The following DNAH11 variants were observed in gnomAD, a reference collection of about 807,000 sequenced individuals.
DNAH11 encodes the protein dynein axonemal heavy chain 11.
Under a neutral mutation model 526.0 loss-of-function variants are expected in DNAH11, and 442 were observed. That is an observed-to-expected ratio of 0.84 (90% CI 0.78 to 0.91). The LOEUF is 0.91. Among genes scored for constraint, DNAH11 ranks in the 40% least tolerant of loss-of-function variants. The pLI, the probability that DNAH11 is intolerant of heterozygous loss-of-function variation, is 0.00. For synonymous variants in DNAH11, 2,461 were observed against 1,935.9 expected, an observed-to-expected ratio of 1.27 and a Z score of -7.12; for missense variants, 6,989 against 5,448.7, an observed-to-expected ratio of 1.28 and a Z score of -8.90.
intron 1 of DNAH11, 64 bp from the exon 2 acceptor site, chr7:21,544,942 A>T (rs1782749473): frequency 1.5e-6 from 2 of 1,368,980 alleles, no homozygotes; most frequent in Non-Finnish European, 2.0e-6. Flanking sequence ...TACAAGTTGG[A>T]TATAGTAAAT....
intron 28 of DNAH11, among the ~76,000 whole-genome samples, chr7:21,644,675 C>G (rs1320412059): frequency 1.3e-5 from 2 of 152,130 alleles, no homozygotes; most frequent in Non-Finnish European, 2.9e-5. Context: ...GCTCTATTTA[C>G]CTGCAGCTGA....
chr7:21,831,238 C>G (rs1224082851), intron 65 of DNAH11, among the ~76,000 whole-genome samples: 1 of 152,182 alleles, frequency 6.6e-6, no homozygotes, highest in Non-Finnish European at 1.5e-5. Flanking sequence ...CTTCAGTGTT[C>G]TAGAAGTCAT....
intron 24 of DNAH11, 116 bp from the exon 25 acceptor site, chr7:21,619,840 A>G: frequency 1.0e-6 from 1 of 975,796 alleles, no homozygotes; most frequent in South Asian, 1.6e-5. Flanking sequence ...TCAAGCCAAT[A>G]ATACTTGATA....
At chr7:21,637,759 C>A in intron 27 of DNAH11, 57 bp downstream of exon 27, 2 of 1,081,594 alleles carry the variant, frequency 1.8e-6, no homozygotes, top group South Asian at 1.9e-5. Context: ...AAGTCTTTTT[C>A]ACATACCTAA....
At chr7:21,588,936 T>G (rs145454938) in intron 11 of DNAH11, among the ~76,000 whole-genome samples, 2 of 152,342 alleles carry the variant, frequency 1.3e-5, no homozygotes, top group East Asian at 3.9e-4. Flanking sequence ...ATAACACTGC[T>G]TTTATAATGC....
intron 61 of DNAH11, among the ~76,000 whole-genome samples, chr7:21,796,377 C>T (rs1329224114): frequency 1.3e-5 from 2 of 152,026 alleles, no homozygotes; most frequent in East Asian, 3.9e-4. Context: ...ATCACATTTG[C>T]CTTTTGGAAA....
At chr7:21,574,392 C>G (rs914267172) in intron 8 of DNAH11, among the ~76,000 whole-genome samples, 1 of 152,078 alleles carries the variant, frequency 6.6e-6, no homozygotes, top group Admixed American at 6.6e-5. Context: ...ACATTATATA[C>G]CTGCTTAATT....
At chr7:21,662,448 T>A (rs940679885) in intron 30 of DNAH11, among the ~76,000 whole-genome samples, 2 of 152,118 alleles carry the variant, frequency 1.3e-5, no homozygotes, top group Non-Finnish European at 2.9e-5. Context: ...GATACCATAA[T>A]CTTTACCCCT....
At chr7:21,702,180 T>C (rs1380755405) in intron 36 of DNAH11, among the ~76,000 whole-genome samples, 1 of 152,080 alleles carries the variant, frequency 6.6e-6, no homozygotes, top group East Asian at 1.9e-4. Context: ...AGGGATAACG[T>C]TGTAGTCTCA....
At chr7:21,819,971 G>A (rs1270427577) in intron 65 of DNAH11, among the ~76,000 whole-genome samples, 1 of 152,178 alleles carries the variant, frequency 6.6e-6, no homozygotes, top group African/African-American at 2.4e-5. Flanking sequence ...TGTTAAGAAT[G>A]TAACAAATGG....
At chr7:21,657,363 A>T (rs1782057554) in intron 29 of DNAH11, among the ~76,000 whole-genome samples, 1 of 152,110 alleles carries the variant, frequency 6.6e-6, no homozygotes, top group Non-Finnish European at 1.5e-5. Flanking sequence ...ATAATAATGG[A>T]GGTAGCAATT....
intron 74 of DNAH11, among the ~76,000 whole-genome samples, chr7:21,876,576 C>T (rs1200744018): frequency 1.3e-5 from 2 of 152,182 alleles, no homozygotes; most frequent in Non-Finnish European, 2.9e-5. Flanking sequence ...AGTAGTCCTG[C>T]CACATGAGAG....
At chr7:21,853,978 G>A (rs1782735588) in intron 67 of DNAH11, among the ~76,000 whole-genome samples, 1 of 152,294 alleles carries the variant, frequency 6.6e-6, no homozygotes, top group South Asian at 2.1e-4. Context: ...CCTGGGAGGT[G>A]ATATAGCTGG....
At position 21,704,362 on chromosome 7, in the gene DNAH11, CA is replaced by C. The variant is rs201463839; in HGVS notation, c.6274-69del. On this transcript the variant is annotated intron_variant, in intron 37 of 81. Coordinates refer to ENST00000409508, the MANE Select transcript of DNAH11 (RefSeq NM_001277115.2). ...CTTCACATATGAGGAGTAAAAATAA[CA>C]AACATCTTTAGTTTTTTAGGTGTTT... 4.4e-5 allele frequency: 64 copies of C among 1,445,476 alleles called. 1 individual carries two copies. In the East Asian group the frequency reaches 1.5e-3, roughly 34 times the overall value. The allele number at this position is 1,445,476 out of a possible 1,614,324, so 89.5% of individuals were successfully genotyped here. A position where few individuals can be genotyped will look rare whatever the true frequency, so the allele number is the denominator to read the frequency against.
intron 45 of DNAH11, among the ~76,000 whole-genome samples, chr7:21,735,150 A>C (rs1785547072): frequency 1.3e-5 from 2 of 152,198 alleles, no homozygotes; most frequent in African/African-American, 4.8e-5. Flanking sequence ...AGCCTGGGTA[A>C]TAGAGCAAGA....
intron 62 of DNAH11, among the ~76,000 whole-genome samples, chr7:21,803,894 G>A (rs1372513717): frequency 6.6e-6 from 1 of 151,938 alleles, no homozygotes; most frequent in Non-Finnish European, 1.5e-5. Context: ...GTGGGGAATG[G>A]GGCTATCATC....
At chr7:21,544,389 T>C (rs1271076855) in intron 1 of DNAH11, among the ~76,000 whole-genome samples, 1 of 152,204 alleles carries the variant, frequency 6.6e-6, no homozygotes, top group African/African-American at 2.4e-5. Flanking sequence ...TGCCTTATGG[T>C]ATTGTGAATT....
chr7:21,711,339 G>C (rs1234305526), intron 41 of DNAH11, among the ~76,000 whole-genome samples: 3 of 152,086 alleles, frequency 2.0e-5, no homozygotes, highest in Non-Finnish European at 4.4e-5. Flanking sequence ...ATACAGGTTT[G>C]GGATCTTTAT....
At chr7:21,548,834 G>A (rs62439335) in intron 2 of DNAH11, among the ~76,000 whole-genome samples, 29,521 of 152,020 alleles carry the variant, frequency 0.19, 2,940 homozygotes, top group Middle Eastern at 0.27. Flanking sequence ...GAGAATGAGG[G>A]AATTGCTCTG....
Sources: allele counts gnomAD v4.1 joint callset (sites outside exome capture counted in the v4.1 genomes callset), GRCh38; gene constraint gnomAD v4.1.1; transcripts MANE v1.5; gene names NCBI Gene and HGNC (gene_info 2026-07-23, HGNC 2026-07-21).